The following TMED3 variants were observed in gnomAD, a reference collection of about 807,000 sequenced individuals.
The protein encoded by TMED3 is transmembrane emp24 domain-containing protein 3.
TMED3 carries 9 observed loss-of-function variants against 15.0 expected under a neutral mutation model. The ratio of observed to expected loss-of-function variants is 0.60; its 90% confidence interval spans 0.36 to 1.04. The LOEUF is 1.04. Ranked by LOEUF, TMED3 falls within the 50% of genes least tolerant of loss-of-function variation. TMED3 has a pLI of 0.01. For missense variants in TMED3, 267 were observed against 278.9 expected, an observed-to-expected ratio of 0.96 and a Z score of 0.30; for synonymous variants, 117 against 121.4, an observed-to-expected ratio of 0.96 and a Z score of 0.24.
chr15:79,379,373 A>G (rs1163832994), intron 2 of TMED3, among the ~76,000 whole-genome samples: 1 of 152,230 alleles, frequency 6.6e-6, no homozygotes, highest in Non-Finnish European at 1.5e-5. Context: ...TTGGCAAAGT[A>G]TTCAGTCACA....
rs2058769464 is a variant in TMED3 at position 79,322,041 on chromosome 15, T to C, written c.481T>C (p.Tyr161His). 6.2e-7 allele frequency: 1 copy of C among 1,614,090 alleles called. No individual in the cohort carries two copies. The highest frequency in any genetic ancestry group is 1.7e-5 in the Admixed American group (1 of 60,008). ...AACGGTGATTGACTCCCAGACGCAT[T>C]ACCGGCTGCGGGAGGCCCAGGACCG... ...LKTVIDSQTH[Y>H]RLREAQDRAR... is the part of the protein sequence containing the mutation. Residue 161 changes from tyrosine (Y) to histidine (H), a missense_variant, in exon 3 of 3, where the codon TAC becomes CAC. Transcript: ENST00000299705.
chr15:79,374,010 A>G (rs1038335935), intron 2 of TMED3, among the ~76,000 whole-genome samples: 1 of 152,168 alleles, frequency 6.6e-6, no homozygotes, highest in Non-Finnish European at 1.5e-5. Context: ...GGTTCAGTAA[A>G]TGTCTCTTAT....
chr15:79,382,912 T>C, intron 2 of TMED3: 1 of 1,485,032 alleles, frequency 6.7e-7, no homozygotes, highest in Non-Finnish European at 9.1e-7. Flanking sequence ...ATAGTCTTTA[T>C]TCCCATTGAC....
intron 2 of TMED3, chr15:79,315,958 C>T (rs1025387116): frequency 6.6e-6 from 1 of 152,278 alleles, no homozygotes; most frequent in African/African-American, 2.4e-5. Context: ...CTGATGAATT[C>T]TTCCAGGAGT....
At chr15:79,360,688 A>T (rs1161660306) in intron 2 of TMED3, among the ~76,000 whole-genome samples, 2 of 152,198 alleles carry the variant, frequency 1.3e-5, no homozygotes, top group Non-Finnish European at 2.9e-5. Context: ...AAAAGTGATC[A>T]GAGTCCCAGG....
At chr15:79,397,358 T>C (rs1279202462) in intron 2 of TMED3, among the ~76,000 whole-genome samples, 1 of 152,206 alleles carries the variant, frequency 6.6e-6, no homozygotes, top group Non-Finnish European at 1.5e-5. Context: ...CTTTCTTTCA[T>C]CTGCTTAGTT....
At chr15:79,369,257 A>G (rs1893293568) in intron 2 of TMED3, among the ~76,000 whole-genome samples, 1 of 152,076 alleles carries the variant, frequency 6.6e-6, no homozygotes, top group South Asian at 2.1e-4. Context: ...AAACTCACCC[A>G]CCAGGGGGTT....
chr15:79,353,567 G>T (rs1427807665), intron 2 of TMED3, among the ~76,000 whole-genome samples: 1 of 86,056 alleles, frequency 1.2e-5, no homozygotes, highest in South Asian at 4.0e-4. Context: ...ACCACTGGGG[G>T]TTAAAAATAC....
intron 2 of TMED3, among the ~76,000 whole-genome samples, chr15:79,331,542 C>CAAAAAAAAAAAAAAAAAGAAAAAAACA (rs2058808622): frequency 1.1e-5 from 1 of 89,288 alleles, no homozygotes; most frequent in Non-Finnish European, 2.1e-5. Flanking sequence ...GCAAAAGAAG[C>CAAAAAAAAAAAAAAAAAGAAAAAAACA]AAAAAAAAAA....
chr15:79,389,584 G>T (rs1214403723), intron 2 of TMED3, among the ~76,000 whole-genome samples: 2 of 152,098 alleles, frequency 1.3e-5, no homozygotes, highest in African/African-American at 2.4e-5. Context: ...GCTCTTGTTT[G>T]GTTCCATATG....
chr15:79,325,686 T>A (rs1280626626), downstream of TMED3, among the ~76,000 whole-genome samples: 1 of 151,994 alleles, frequency 6.6e-6, no homozygotes, highest in Non-Finnish European at 1.5e-5. Flanking sequence ...TCCAAAAACC[T>A]CAAATGTAGG....
At chr15:79,351,910 A>G (rs2058892445) in intron 2 of TMED3, among the ~76,000 whole-genome samples, 2 of 152,158 alleles carry the variant, frequency 1.3e-5, no homozygotes, top group African/African-American at 2.4e-5. Context: ...AAATAATGGC[A>G]TTTGCAGTAA....
intron 2 of TMED3, among the ~76,000 whole-genome samples, chr15:79,349,771 C>G (rs2058885036): frequency 6.6e-6 from 1 of 152,218 alleles, no homozygotes; most frequent in Non-Finnish European, 1.5e-5. Flanking sequence ...ATCCTTCCCT[C>G]AGGGCCAGGG....
At chr15:79,357,464 CAA>C (rs59897659) in intron 2 of TMED3, among the ~76,000 whole-genome samples, 52 of 87,714 alleles carry the variant, frequency 5.9e-4, no homozygotes, top group African/African-American at 2.0e-3. Context: ...CACCCTGCCT[CAA>C]AAAAAAAAAA....
intron 2 of TMED3, among the ~76,000 whole-genome samples, chr15:79,369,241 A>T (rs975590576): frequency 1.5e-4 from 23 of 152,206 alleles, no homozygotes; most frequent in African/African-American, 4.6e-4. Flanking sequence ...AAGCATGCCC[A>T]CTAGGAAACT....
chr15:79,358,221 T>C (rs1378862810), intron 2 of TMED3, among the ~76,000 whole-genome samples: 2 of 152,190 alleles, frequency 1.3e-5, no homozygotes, highest in Non-Finnish European at 2.9e-5. Flanking sequence ...CGAGGAATTT[T>C]CTGGGGGCCT....
intron 2 of TMED3, among the ~76,000 whole-genome samples, chr15:79,376,462 C>T (rs915815628): frequency 6.6e-6 from 1 of 152,164 alleles, no homozygotes; most frequent in African/African-American, 2.4e-5. Flanking sequence ...CCACTTATTT[C>T]GCACTTTAAT....
chr15:79,398,751 C>T (rs1169247650), intron 2 of TMED3, among the ~76,000 whole-genome samples: 2 of 152,124 alleles, frequency 1.3e-5, no homozygotes, highest in African/African-American at 4.8e-5. Context: ...CAGACACATC[C>T]AGAAATTGTG....
At chr15:79,316,224 G>A (rs1028220909) in intron 2 of TMED3, among the ~76,000 whole-genome samples, 5 of 152,220 alleles carry the variant, frequency 3.3e-5, no homozygotes, top group African/African-American at 7.2e-5. Flanking sequence ...CAGGGCCCAG[G>A]CCAGGGATTC....
Sources: allele counts gnomAD v4.1 joint callset (sites outside exome capture counted in the v4.1 genomes callset), GRCh38; gene constraint gnomAD v4.1.1; transcripts MANE v1.5; gene names NCBI Gene and HGNC (gene_info 2026-07-23, HGNC 2026-07-21).